MYO1B: variants seen among roughly 807,000 people sequenced by gnomAD.
MYO1B encodes unconventional myosin-Ib.
Under a neutral mutation model 159.7 loss-of-function variants are expected in MYO1B, and 72 were observed. That is an observed-to-expected ratio of 0.45 (90% CI 0.37 to 0.55). MYO1B has a LOEUF of 0.55. Ranked by LOEUF, MYO1B falls within the 20% of genes least tolerant of loss-of-function variation. The pLI is 0.00. For synonymous variants in MYO1B, 468 were observed against 473.8 expected, an observed-to-expected ratio of 0.99 and a Z score of 0.16; for missense variants, 1,062 against 1,364.8, an observed-to-expected ratio of 0.78 and a Z score of 3.50.
chr2:191,385,511 C>T (rs1217052576), intron 15 of MYO1B, among the ~76,000 whole-genome samples: 1 of 116,354 alleles, frequency 8.6e-6, no homozygotes, highest in Non-Finnish European at 2.0e-5. Flanking sequence ...GCTGTATTGT[C>T]ACATTCATTT....
chr2:191,359,864 A>G (rs2126007675), intron 7 of MYO1B, among the ~76,000 whole-genome samples: 1 of 152,336 alleles, frequency 6.6e-6, no homozygotes, highest in East Asian at 1.9e-4. Flanking sequence ...GCTCCAGACA[A>G]GAATATCCTC....
intron 13 of MYO1B, among the ~76,000 whole-genome samples, chr2:191,375,204 TGATAGGCTG>T (rs1694620331): frequency 6.6e-6 from 1 of 152,216 alleles, no homozygotes; most frequent in Non-Finnish European, 1.5e-5. Flanking sequence ...GGTAAGAGTA[TGATAGGCTG>T]GATGCAATGA....
intron 6 of MYO1B, 47 bp from the exon 7 acceptor site, chr2:191,350,115 A>T: frequency 6.7e-7 from 1 of 1,498,212 alleles, no homozygotes. Flanking sequence ...ACACTGAGTT[A>T]ACATTTTGAG....
intron 1 of MYO1B, among the ~76,000 whole-genome samples, chr2:191,270,667 A>T (rs543222601): frequency 6.6e-6 from 1 of 152,244 alleles, no homozygotes; most frequent in East Asian, 1.9e-4. Context: ...GTACTGAACC[A>T]CATCCTACAG....
intron 29 of MYO1B, among the ~76,000 whole-genome samples, chr2:191,415,628 T>G (rs1212823427): frequency 6.6e-6 from 1 of 151,886 alleles, no homozygotes; most frequent in Non-Finnish European, 1.5e-5. Flanking sequence ...TAAACCCAGA[T>G]GATTCCCTTG....
At chr2:191,247,843 T>G (rs770175925) in intron 1 of MYO1B, 12 of 805,642 alleles carry the variant, frequency 1.5e-5, no homozygotes, top group African/African-American at 1.9e-5. Flanking sequence ...GCCGTTCTGG[T>G]GGATGCCTGA....
chr2:191,287,422 C>T (rs916004495), intron 2 of MYO1B, among the ~76,000 whole-genome samples: 6 of 151,582 alleles, frequency 4.0e-5, no homozygotes, highest in South Asian at 2.1e-4. Context: ...CCCAGCTACT[C>T]GGGAGGCTGA....
intron 3 of MYO1B, among the ~76,000 whole-genome samples, chr2:191,310,382 T>C (rs947229240): frequency 7.2e-5 from 11 of 152,164 alleles, no homozygotes; most frequent in African/African-American, 2.4e-4. Context: ...TTTGTATTTT[T>C]AGTAGAGATG....
chr2:191,396,304 G>T, intron 20 of MYO1B, 125 bp from the exon 21 acceptor site: 1 of 907,396 alleles, frequency 1.1e-6, no homozygotes, highest in Non-Finnish European at 1.7e-6. Context: ...TTTATGTATT[G>T]GTTTCCAGAA....
intron 3 of MYO1B, among the ~76,000 whole-genome samples, chr2:191,322,012 A>C (rs1157483117): frequency 6.6e-6 from 1 of 152,154 alleles, no homozygotes; most frequent in Non-Finnish European, 1.5e-5. Flanking sequence ...TAAGGGATTA[A>C]ATCAAGGCAG....
intron 4 of MYO1B, among the ~76,000 whole-genome samples, chr2:191,340,369 A>G (rs569843220): frequency 6.6e-6 from 1 of 152,252 alleles, no homozygotes; most frequent in African/African-American, 2.4e-5. Flanking sequence ...TTTGGACCTT[A>G]TTTTCCTTAA....
At chr2:191,315,992 A>G (rs1416267292) in intron 3 of MYO1B, among the ~76,000 whole-genome samples, 5 of 152,224 alleles carry the variant, frequency 3.3e-5, no homozygotes, top group Admixed American at 3.3e-4. Context: ...CATAGGTACA[A>G]GTGCTGAGCT....
At chr2:191,381,331 G>A (rs768180538) in intron 13 of MYO1B, 131 bp from the exon 14 acceptor site, 8 of 743,314 alleles carry the variant, frequency 1.1e-5, no homozygotes, top group East Asian at 2.7e-5. Context: ...CCTAGGAGCC[G>A]TGTGCTGGGC....
intron 5 of MYO1B, among the ~76,000 whole-genome samples, chr2:191,344,790 G>T (rs1275955509): frequency 7.3e-6 from 1 of 136,192 alleles, no homozygotes. Flanking sequence ...AGATCCCGCC[G>T]CTGCACTCCA....
intron 1 of MYO1B, chr2:191,263,305 G>T (rs1686935991): frequency 2.0e-6 from 2 of 984,702 alleles, no homozygotes; most frequent in Non-Finnish European, 2.4e-6. Context: ...CTGTCACAAC[G>T]AATGTTTGTC....
chr2:191,349,469 A>G (rs762412195), intron 6 of MYO1B, among the ~76,000 whole-genome samples: 1 of 152,246 alleles, frequency 6.6e-6, no homozygotes, highest in African/African-American at 2.4e-5. Context: ...AACAGCTGTC[A>G]CAGTTACTCT....
intron 13 of MYO1B, among the ~76,000 whole-genome samples, chr2:191,375,712 G>A (rs7598213): frequency 0.15 from 23,231 of 152,028 alleles, 4,183 homozygotes; most frequent in African/African-American, 0.43. Context: ...TATAATCCCA[G>A]CACTTTGGGA....
At chr2:191,274,366 G>T (rs891083664) in intron 1 of MYO1B, among the ~76,000 whole-genome samples, 3 of 152,210 alleles carry the variant, frequency 2.0e-5, no homozygotes, top group African/African-American at 7.2e-5. Context: ...AGATGGTGAA[G>T]CGGGTAATTA....
At chr2:191,343,818 A>G (rs1193119406) in intron 5 of MYO1B, among the ~76,000 whole-genome samples, 1 of 152,192 alleles carries the variant, frequency 6.6e-6, no homozygotes, top group Non-Finnish European at 1.5e-5. Flanking sequence ...ATTATCTTTT[A>G]TGGGAATGCT....
Sources: allele counts gnomAD v4.1 joint callset (sites outside exome capture counted in the v4.1 genomes callset), GRCh38; gene constraint gnomAD v4.1.1; transcripts MANE v1.5; gene names NCBI Gene and HGNC (gene_info 2026-07-23, HGNC 2026-07-21).